The following CCDC149 variants were observed in gnomAD, a reference collection of about 807,000 sequenced individuals.
CCDC149 encodes coiled-coil domain-containing protein 149.
CCDC149 carries 45 observed loss-of-function variants against 59.9 expected under a neutral mutation model. That is an observed-to-expected ratio of 0.75 (90% CI 0.59 to 0.96). The LOEUF is 0.96. CCDC149 is among the 40% of genes least tolerant of loss of function. The pLI is 0.00. For missense variants in CCDC149, 584 were observed against 664.7 expected, an observed-to-expected ratio of 0.88 and a Z score of 1.33; for synonymous variants, 245 against 260.6, an observed-to-expected ratio of 0.94 and a Z score of 0.58.
chr4:24,862,727 T>G (rs1048523423), intron 3 of CCDC149, among the ~76,000 whole-genome samples: 1 of 152,202 alleles, frequency 6.6e-6, no homozygotes, highest in African/African-American at 2.4e-5. Context: ...TTTCATTAAT[T>G]TCTCCCATAT....
At chr4:24,954,581 G>C (rs903806716) in intron 1 of CCDC149, among the ~76,000 whole-genome samples, 1 of 152,246 alleles carries the variant, frequency 6.6e-6, no homozygotes, top group African/African-American at 2.4e-5. Flanking sequence ...GGCTTGAGCT[G>C]CACCTAGGCC....
chr4:24,886,815 C>A (rs527848161), intron 1 of CCDC149, among the ~76,000 whole-genome samples: 4 of 152,160 alleles, frequency 2.6e-5, no homozygotes, highest in Admixed American at 6.5e-5. Context: ...TACACACCTA[C>A]CAGCTGAAGA....
chr4:24,841,088 T>C (rs1215613942), intron 4 of CCDC149, among the ~76,000 whole-genome samples: 1 of 152,066 alleles, frequency 6.6e-6, no homozygotes, highest in Non-Finnish European at 1.5e-5. Context: ...ACTCCAAAAG[T>C]GGATACACAG....
At chr4:24,952,856 G>GA (rs1723357480) in intron 1 of CCDC149, among the ~76,000 whole-genome samples, 2 of 151,222 alleles carry the variant, frequency 1.3e-5, no homozygotes, top group South Asian at 4.2e-4. Flanking sequence ...CCATCCCCTG[G>GA]CAACCACCAT....
intron 3 of CCDC149, among the ~76,000 whole-genome samples, chr4:24,869,065 T>C (rs1019555271): frequency 2.0e-5 from 3 of 152,232 alleles, no homozygotes; most frequent in Admixed American, 1.3e-4. Context: ...CCGGCTGCGA[T>C]TGCTATGATC....
At chr4:24,966,613 G>A (rs530248653) in intron 1 of CCDC149, among the ~76,000 whole-genome samples, 2 of 152,330 alleles carry the variant, frequency 1.3e-5, no homozygotes, top group African/African-American at 4.8e-5. Flanking sequence ...GATGTGGATA[G>A]ATTTGATTTT....
chr4:24,913,286 T>A (rs1008667260), upstream of CCDC149, among the ~76,000 whole-genome samples: 7 of 151,942 alleles, frequency 4.6e-5, no homozygotes, highest in Non-Finnish European at 8.8e-5. Context: ...AAGAAGCAAA[T>A]CCCCAAATCC....
At chr4:24,850,854 G>A (rs1717613157) in intron 4 of CCDC149, among the ~76,000 whole-genome samples, 1 of 152,152 alleles carries the variant, frequency 6.6e-6, no homozygotes, top group African/African-American at 2.4e-5. Context: ...CTCTGGTGGG[G>A]GTTGGGGGAA....
chr4:24,912,779 G>A, intron 1 of CCDC149, 38 bp downstream of exon 1: 1 of 1,255,978 alleles, frequency 8.0e-7, no homozygotes, highest in South Asian at 2.2e-5. Context: ...CGGCCGCTCG[G>A]CCCGGCCCAT....
chr4:24,884,354 T>C (rs901183823), intron 1 of CCDC149, among the ~76,000 whole-genome samples: 24 of 152,232 alleles, frequency 1.6e-4, no homozygotes, highest in African/African-American at 5.3e-4. Flanking sequence ...CCATACCATG[T>C]AGCCTCGGGA....
chr4:24,835,023 C>G lies in CCDC149; in HGVS notation c.745G>C (p.Glu249Gln). The change falls in exon 8 of 13, where the codon GAG (glutamate) becomes CAG (glutamine). Residue 249 changes from glutamate to glutamine, a missense_variant. Physicochemically the swap from Glu to Gln is conservative, Grantham distance 29. Coordinates refer to ENST00000635206, the MANE Select transcript of CCDC149 (RefSeq NM_001330643.2). Reference sequence around the variant, plus strand: ...TGGCCCTTCGAGTTTTTCCGTCTCTCCAGAGCATTCTAAAACAGGATTGGG... The same window carrying G: ...TGGCCCTTCGAGTTTTTCCGTCTCTGCAGAGCATTCTAAAACAGGATTGGG... 1 of 1,613,240 alleles carries G rather than the reference C, an allele frequency of 6.2e-7. No individual in the cohort carries two copies. Among genetic ancestry groups the G allele is most frequent in the South Asian group, 1.1e-5 (1 of 91,028 alleles).
intron 1 of CCDC149, among the ~76,000 whole-genome samples, chr4:24,901,123 T>A (rs1721143329): frequency 1.3e-5 from 2 of 152,214 alleles, no homozygotes; most frequent in Admixed American, 1.3e-4. Flanking sequence ...AGTATTAGGA[T>A]GTTTGTTGCA....
chr4:24,819,855 T>C lies in CCDC149; in HGVS notation c.1192+4A>G, dbSNP rs1715257009. ...TAAAGATGGAGAAATCGAGGCGTGC[T>C]TACCATCCTTGGGATCTGCTTTGTT... is the stretch of plus-strand genomic sequence containing the variant. On this transcript the variant is annotated splice_donor_region_variant and intron_variant, in intron 12 of 12. Coordinates refer to ENST00000635206, the MANE Select transcript of CCDC149 (RefSeq NM_001330643.2). 6.5e-7 allele frequency: 1 copy of C among 1,548,858 alleles called. No individual in the cohort carries two copies. The highest frequency in any genetic ancestry group is 8.7e-7 in the Non-Finnish European group (1 of 1,144,608).
In CCDC149 at chr4:24,895,961, T is replaced by C. The variant is rs557924101; in HGVS notation, c.63+16856A>G. Reference sequence around the variant, plus strand: ...TCACATTCTTGGGTTTAGATCAGGTTAGCAGAAGCAGAGATGAGGAAAGCG... The same window carrying C: ...TCACATTCTTGGGTTTAGATCAGGTCAGCAGAAGCAGAGATGAGGAAAGCG... On this transcript the variant is annotated intron_variant, in intron 1 of 12. Transcript: ENST00000635206. 2.6e-5 allele frequency among the ~76,000 whole-genome samples: 4 copies of C among 152,338 alleles called. No homozygotes were observed. The East Asian group carries it at 7.7e-4, about 29-fold the overall frequency.
rs544639931 is a variant in CCDC149, at chr4:24,806,914, C to G, written c.*1475G>C. 2.0e-5 allele frequency: 3 copies of G among 153,134 alleles called. No homozygotes were observed. The East Asian group carries it at 5.8e-4, about 30-fold the overall frequency. The allele number at this position is 153,134 out of a possible 1,614,324, so 9.5% of individuals were successfully genotyped here. ...AGGAGCAGCATAGTAAGGGATGGGGCGCCCATTCTGCTAGCAGAGTGATTC... is the reference window on the plus strand; with the variant it reads ...AGGAGCAGCATAGTAAGGGATGGGGGGCCCATTCTGCTAGCAGAGTGATTC... On this transcript the variant is annotated 3_prime_UTR_variant, in exon 13 of 13. Transcript: ENST00000635206.
At chr4:24,822,747 T>C in intron 9 of CCDC149, 174 bp from the exon 10 acceptor site, 1 of 445,668 alleles carries the variant, frequency 2.2e-6, no homozygotes, top group Non-Finnish European at 4.1e-6. Flanking sequence ...AAAGTGCATA[T>C]ACAAATAGAA....
downstream of CCDC149, among the ~76,000 whole-genome samples, chr4:24,805,094 A>C (rs529035564): frequency 6.6e-6 from 1 of 152,192 alleles, no homozygotes; most frequent in African/African-American, 2.4e-5. Flanking sequence ...TACAGGCCTT[A>C]ATCAAAAGAA....
chr4:24,924,715 T>A (rs995975805), intron 1 of CCDC149, among the ~76,000 whole-genome samples: 4 of 152,232 alleles, frequency 2.6e-5, no homozygotes, highest in Non-Finnish European at 5.9e-5. Context: ...AAGTGGAAAC[T>A]ATACTGCCTT....
At chr4:24,961,829 A>C (rs576112570) in intron 1 of CCDC149, among the ~76,000 whole-genome samples, 1 of 152,324 alleles carries the variant, frequency 6.6e-6, no homozygotes, top group East Asian at 1.9e-4. Context: ...TTAAAGACTT[A>C]AATGTTAGAC....
Sources: gnomAD v4.1 joint callset for allele counts (sites outside exome capture counted in the v4.1 genomes callset) on GRCh38, gnomAD v4.1.1 for gene constraint, MANE v1.5 for transcripts, NCBI Gene and HGNC (gene_info 2026-07-23, HGNC 2026-07-21) for gene names.